Variants in CLSTN2 observed in about 807,000 individuals in gnomAD.
The protein encoded by CLSTN2 is calsyntenin 2.
CLSTN2 carries 48 observed loss-of-function variants against 101.2 expected under a neutral mutation model. That is an observed-to-expected ratio of 0.47 (90% confidence interval 0.38 to 0.60). CLSTN2 has a LOEUF of 0.60. Among genes scored for constraint, CLSTN2 ranks in the 20% least tolerant of loss-of-function variants. CLSTN2 has a pLI of 0.00. For synonymous variants in CLSTN2, 481 were observed against 463.6 expected (o/e 1.04, Z -0.48); for missense variants, 1,160 against 1,238.2 (o/e 0.94, Z 0.95).
intron 1 of CLSTN2, among the ~76,000 whole-genome samples, chr3:139,950,008 T>C (rs1935267301): frequency 6.6e-6 from 1 of 152,212 alleles, no homozygotes. Flanking sequence ...AGTGGGATGC[T>C]GAATGTGATG....
intron 2 of CLSTN2, among the ~76,000 whole-genome samples, chr3:140,272,330 A>C (rs1293334669): frequency 6.6e-6 from 1 of 152,254 alleles, no homozygotes; most frequent in African/African-American, 2.4e-5. Context: ...GTAACCATGC[A>C]ATCTATGGCC....
At position 140,279,070 on chromosome 3, in the gene CLSTN2, C is replaced by T. The variant is rs116333222; in HGVS notation, c.232+102997C>T. ...TTGACCAGCTTTGCCTACTCTAGTA[C>T]TATATATAAATAGAATCATGCAGCA... On this transcript the variant is annotated intron_variant, in intron 2 of 16. Transcript: ENST00000458420. Among the ~76,000 whole-genome samples, 213 of 152,294 alleles carry T rather than the reference C, an allele frequency of 1.4e-3. 1 individual carries two copies. Among genetic ancestry groups the T allele is most frequent in the African/African-American group, 4.8e-3 (198 of 41,548 alleles).
chr3:140,427,230 T>TATATATAC (rs1553742787), intron 5 of CLSTN2, among the ~76,000 whole-genome samples: 9 of 31,096 alleles, frequency 2.9e-4, no homozygotes, highest in Non-Finnish European at 4.4e-4. Context: ...TATATGTGTG[T>TATATATAC]ATATATATAT....
At chr3:140,441,325 G>C (rs1346349382) in intron 5 of CLSTN2, among the ~76,000 whole-genome samples, 1 of 152,198 alleles carries the variant, frequency 6.6e-6, no homozygotes, top group Admixed American at 6.5e-5. Flanking sequence ...TCCAGGAATA[G>C]TCCTTTCCTT....
intron 2 of CLSTN2, among the ~76,000 whole-genome samples, chr3:140,227,179 T>C (rs2086329374): frequency 6.6e-6 from 1 of 152,216 alleles, no homozygotes; most frequent in Non-Finnish European, 1.5e-5. Context: ...CCTATGAACC[T>C]GTAAAATCAA....
chr3:140,566,344 CTG>C lies in CLSTN2; in HGVS notation c.*94_*95del. On this transcript the variant is annotated 3_prime_UTR_variant, in exon 17 of 17. Coordinates refer to ENST00000458420, the MANE Select transcript of CLSTN2 (RefSeq NM_022131.3). ...GTCTATCATACCTCACCTCTGATGT[CTG>C]TGACATGTCTGGGAAGGCCTTCTCC... The C allele has an allele frequency of 7.7e-7, 1 of 1,297,912 alleles. No homozygotes were observed. The highest frequency in any genetic ancestry group is 1.1e-6 in the Non-Finnish European group (1 of 926,448). 80.4% of individuals were successfully genotyped at this position (1,297,912 alleles called of 1,614,324 possible). A position where few individuals can be genotyped will look rare whatever the true frequency, so the allele number is the denominator to read the frequency against.
rs1985468046 is a variant in CLSTN2, at chr3:140,569,830, C to G, written c.*3577C>G. ...AGTAGCTGGGATTACAGGCATCCAC[C>G]ACCATGCCCAGCTAATTTTTGTATT... On this transcript the variant is annotated 3_prime_UTR_variant, in exon 17 of 17. Transcript: ENST00000458420. The G allele has an allele frequency of 6.6e-6, 1 of 152,190 alleles. No individual in the cohort carries two copies. Among genetic ancestry groups the G allele is most frequent in the Non-Finnish European group, 1.5e-5 (1 of 68,074 alleles). 9.4% of individuals were successfully genotyped at this position (152,190 alleles called of 1,614,324 possible).
intron 1 of CLSTN2, among the ~76,000 whole-genome samples, chr3:140,003,997 A>G (rs2107748607): frequency 6.6e-6 from 1 of 152,278 alleles, no homozygotes; most frequent in African/African-American, 2.4e-5. Context: ...TATGCTCGTC[A>G]TTGCATATAA....
At chr3:140,476,867 G>T (rs1172981896) in intron 8 of CLSTN2, among the ~76,000 whole-genome samples, 5 of 152,022 alleles carry the variant, frequency 3.3e-5, no homozygotes, top group African/African-American at 1.2e-4. Context: ...CACTGTGTTA[G>T]CCAGGATGGT....
At chr3:140,356,657 C>G (rs1230866052) in intron 2 of CLSTN2, among the ~76,000 whole-genome samples, 1 of 149,208 alleles carries the variant, frequency 6.7e-6, no homozygotes, top group Non-Finnish European at 1.5e-5. Flanking sequence ...GCTCAGGAGG[C>G]TGAGGCAGGA....
intron 2 of CLSTN2, among the ~76,000 whole-genome samples, chr3:140,236,993 A>G (rs915865945): frequency 1.3e-5 from 2 of 151,884 alleles, no homozygotes; most frequent in African/African-American, 4.8e-5. Flanking sequence ...TTCTGGGTCT[A>G]TTTCTACGAA....
chr3:140,250,297 A>T (rs2086552188), intron 2 of CLSTN2, among the ~76,000 whole-genome samples: 1 of 152,180 alleles, frequency 6.6e-6, no homozygotes, highest in South Asian at 2.1e-4. Flanking sequence ...TAAACCGGAT[A>T]TGGTCCTGTC....
intron 1 of CLSTN2, among the ~76,000 whole-genome samples, chr3:140,156,085 C>T (rs1386245390): frequency 6.6e-6 from 1 of 152,104 alleles, no homozygotes. Flanking sequence ...GCATTTCTTT[C>T]CTCCCTCATC....
chr3:140,555,844 T>C (rs1935780917), intron 10 of CLSTN2, among the ~76,000 whole-genome samples: 2 of 152,112 alleles, frequency 1.3e-5, no homozygotes, highest in Admixed American at 6.5e-5. Context: ...GTGGGGAGAA[T>C]CGCCGCTACA....
intron 1 of CLSTN2, among the ~76,000 whole-genome samples, chr3:140,000,208 G>C (rs970802176): frequency 6.6e-6 from 1 of 152,158 alleles, no homozygotes; most frequent in Non-Finnish European, 1.5e-5. Context: ...AAGTGTAAAA[G>C]GTTCCTGACA....
chr3:140,353,955 G>A (rs1429365048), intron 2 of CLSTN2, among the ~76,000 whole-genome samples: 1 of 152,074 alleles, frequency 6.6e-6, no homozygotes, highest in Non-Finnish European at 1.5e-5. Flanking sequence ...TACAAGAGTG[G>A]GCCTAAGGCA....
intron 5 of CLSTN2, among the ~76,000 whole-genome samples, chr3:140,426,348 G>C (rs1245657746): frequency 1.3e-5 from 2 of 152,098 alleles, no homozygotes; most frequent in Admixed American, 6.6e-5. Flanking sequence ...TCATTGTTCA[G>C]CTCCCACTTA....
chr3:140,020,397 A>C (rs1017253689), intron 1 of CLSTN2, among the ~76,000 whole-genome samples: 2 of 152,144 alleles, frequency 1.3e-5, no homozygotes, highest in African/African-American at 4.8e-5. Flanking sequence ...ACCCTCCTGC[A>C]TGCTCACATA....
In CLSTN2 at chr3:140,189,149, C is replaced by T. The variant is rs1576460925; in HGVS notation, c.232+13076C>T. Among the ~76,000 whole-genome samples the T allele has an allele frequency of 2.6e-5, 4 of 152,174 alleles. 1 individual carries two copies. The East Asian group carries it at 7.7e-4, about 29-fold the overall frequency. ...AGTGGTAGTCCATGGTATGGATATA[C>T]CACACTCTTTTTAACCATTCCTTAT... On this transcript the variant is annotated intron_variant, in intron 2 of 16. Coordinates refer to ENST00000458420, the MANE Select transcript of CLSTN2 (RefSeq NM_022131.3).
Sources: allele counts gnomAD v4.1 joint callset (sites outside exome capture counted in the v4.1 genomes callset), GRCh38; gene constraint gnomAD v4.1.1; transcripts MANE v1.5; gene names NCBI Gene and HGNC (gene_info 2026-07-23, HGNC 2026-07-21).